IFT52: variants seen among roughly 807,000 people sequenced by gnomAD.
IFT52 encodes the protein intraflagellar transport protein 52 homolog.
IFT52 carries 44 observed loss-of-function variants against 54.4 expected under a neutral mutation model. That is an observed-to-expected ratio of 0.81 (90% CI 0.63 to 1.04). The LOEUF (loss-of-function observed/expected upper bound fraction) is 1.04. Among genes scored for constraint, IFT52 ranks in the 50% least tolerant of loss-of-function variants. The pLI is 0.00. For missense variants in IFT52, 452 were observed against 523.6 expected, an observed-to-expected ratio of 0.86 and a Z score of 1.33; for synonymous variants, 181 against 185.3, an observed-to-expected ratio of 0.98 and a Z score of 0.19.
chr20:43,633,689 CAG>C (rs756798009), intron 10 of IFT52, among the ~76,000 whole-genome samples: 1 of 152,046 alleles, frequency 6.6e-6, no homozygotes, highest in Non-Finnish European at 1.5e-5. Flanking sequence ...GCCTGGGCGA[CAG>C]AGTGAGACTC....
chr20:43,629,108 A>C (rs1984973553), intron 10 of IFT52, among the ~76,000 whole-genome samples: 2 of 152,212 alleles, frequency 1.3e-5, no homozygotes, highest in South Asian at 4.1e-4. Context: ...TCAAGCAAGT[A>C]GTATAAAGAG....
At position 43,613,910 on chromosome 20, in the gene IFT52, G is replaced by C. The variant is rs766004382; in HGVS notation, c.546G>C (p.Ala182=). 26 of 1,613,910 alleles carry C rather than the reference G, an allele frequency of 1.6e-5. 1 individual carries two copies. The highest frequency in any genetic ancestry group is 3.3e-4 in the Middle Eastern group (2 of 6,062). ...TGAGTGTCATGAAACCAGCAGTGGC[G>C]GTTCTGTCTACAGGTTCTGTCTGCT... is the stretch of plus-strand genomic sequence containing the variant. ...ATLSVMKPAV[A]VLSTGSVCFP... The change falls in exon 7 of 14, where the codon GCG becomes GCC. Residue 182 remains alanine, a synonymous_variant. Transcript: ENST00000373030.
chr20:43,632,312 G>A (rs1985228631), intron 10 of IFT52, among the ~76,000 whole-genome samples: 2 of 149,720 alleles, frequency 1.3e-5, no homozygotes, highest in Middle Eastern at 3.5e-3. Context: ...CCAGGCTAGA[G>A]TGCAGTGGTG....
chr20:43,632,501 T>C (rs1192602395), intron 10 of IFT52, among the ~76,000 whole-genome samples: 1 of 152,090 alleles, frequency 6.6e-6, no homozygotes, highest in Non-Finnish European at 1.5e-5. Flanking sequence ...CCTCAGGTGA[T>C]CCACCCACCT....
chr20:43,607,496 C>T (rs577150440), intron 6 of IFT52, among the ~76,000 whole-genome samples: 1,367 of 126,496 alleles, frequency 0.011, 12 homozygotes, highest in Middle Eastern at 0.017. Flanking sequence ...CAGACGGGGT[C>T]GTGGCCGGGC....
At chr20:43,604,748 AT>A (rs1982724300) in intron 5 of IFT52, among the ~76,000 whole-genome samples, 1 of 151,918 alleles carries the variant, frequency 6.6e-6, no homozygotes, top group Non-Finnish European at 1.5e-5. Context: ...TCATCAAATT[AT>A]TTTTCTTCAT....
rs779980671 is a variant in IFT52, at chr20:43,635,895, T to C, written c.924-31T>C. On this transcript the variant is annotated intron_variant, in intron 10 of 13. Transcript: ENST00000373030. ...GACGTGCTGAGCTATAGTGTCTTGA[T>C]CCCTGCTTTTTTGTTTGATTATGAA... 4 of 1,598,478 alleles carry C rather than the reference T, an allele frequency of 2.5e-6. No homozygotes were observed. The Admixed American group carries it at 6.7e-5, about 27-fold the overall frequency.
intron 3 of IFT52, among the ~76,000 whole-genome samples, chr20:43,596,736 C>CTCTTTTTTTTT (rs1293519702): frequency 1.3e-5 from 1 of 75,912 alleles, no homozygotes. Flanking sequence ...AGCCACACTT[C>CTCTTTTTTTTT]TTTTTTTTTT....
rs1985983839 is a variant in IFT52, at chr20:43,642,525, T to A, written c.1167T>A (p.Ile389=). 3 of 1,613,988 alleles carry A rather than the reference T, an allele frequency of 1.9e-6. No homozygotes were observed. The South Asian group carries it at 3.3e-5, about 18-fold the overall frequency. ...TTTATGTCAGGAAGTGTGGTGATAT[T>A]CTTGGAGTAACCAGTAAACTACCAA... The part of the protein sequence containing the change: ...LEFYVRKCGD[I]LGVTSKLPKD... Residue 389 remains isoleucine, a synonymous_variant, in exon 13 of 14, where the codon ATT becomes ATA. Coordinates refer to ENST00000373030, the MANE Select transcript of IFT52 (RefSeq NM_016004.5).
At position 43,599,958 on chromosome 20, in the gene IFT52, C is replaced by T. The variant is rs183220408; in HGVS notation, c.207+3436C>T. ...AATGCAAAGATAATCTAACCCACCA[C>T]CATTAAAAAAGTAAAGCAATATAAC... On this transcript the variant is annotated intron_variant, in intron 3 of 13. Coordinates refer to ENST00000373030, the MANE Select transcript of IFT52 (RefSeq NM_016004.5). 5.3e-5 allele frequency among the ~76,000 whole-genome samples: 8 copies of T among 151,938 alleles called. No individual in the cohort carries two copies. In the East Asian group the frequency reaches 1.2e-3, roughly 22 times the overall value.
In IFT52 at chr20:43,646,991, G is replaced by C. The variant is rs1270358682; in HGVS notation, c.*8G>C. ...TTCCAGAACAATTTCTGAAGACCAT[G>C]CCTCTTGAAGCTTTTTCTGCCTCCT... is the stretch of plus-strand genomic sequence containing the variant. On this transcript the variant is annotated 3_prime_UTR_variant, in exon 14 of 14. Transcript: ENST00000373030. 6.2e-7 allele frequency: 1 copy of C among 1,611,552 alleles called. No individual in the cohort carries two copies. Among genetic ancestry groups the C allele is most frequent in the Admixed American group, 1.7e-5 (1 of 59,984 alleles).
At chr20:43,624,105 A>G in intron 10 of IFT52, 60 bp downstream of exon 10, 1 of 1,554,680 alleles carries the variant, frequency 6.4e-7, no homozygotes, top group Non-Finnish European at 8.8e-7. Context: ...TGGTTTGGAA[A>G]CATGAACCTG....
At chr20:43,635,348 T>G (rs1046384851) in intron 10 of IFT52, among the ~76,000 whole-genome samples, 18 of 152,076 alleles carry the variant, frequency 1.2e-4, no homozygotes, top group African/African-American at 4.3e-4. Flanking sequence ...TGGAGTGCAA[T>G]CGCACGATCT....
At chr20:43,606,012 C>T (rs187238969) in intron 6 of IFT52, among the ~76,000 whole-genome samples, 312 of 152,108 alleles carry the variant, frequency 2.1e-3, no homozygotes, top group African/African-American at 7.2e-3. Flanking sequence ...CCTGAGGTCA[C>T]GAGTTTGAAA....
rs543666039 is a variant in IFT52, at chr20:43,595,900, A to C, written c.120-535A>C. Among the ~76,000 whole-genome samples the C allele has an allele frequency of 7.2e-5, 11 of 152,368 alleles. No homozygotes were observed. The South Asian group carries it at 1.7e-3, about 23-fold the overall frequency. ...AGACTCTGTCAAAAACAAAAATTAA[A>C]AAAAAAATGTCTTTCGAAATCAGCA... On this transcript the variant is annotated intron_variant, in intron 2 of 13. Transcript: ENST00000373030.
In IFT52 at chr20:43,594,761, C is replaced by G; in HGVS notation, c.63C>G (p.Thr21=). 8 of 1,613,242 alleles carry G rather than the reference C, an allele frequency of 5.0e-6. No homozygotes were observed. Among genetic ancestry groups the G allele is most frequent in the Non-Finnish European group, 6.8e-6 (8 of 1,179,288 alleles). ...FNAYKKEIFT[T]NNGYKSMQKK... Reference sequence around the variant, plus strand: ...CCTACAAAAAGGAGATATTTACCACCAACAATGGCTACAAATCCATGCAGA... The same window carrying G: ...CCTACAAAAAGGAGATATTTACCACGAACAATGGCTACAAATCCATGCAGA... The change falls in exon 2 of 14, where the codon ACC becomes ACG. Residue 21 remains threonine, a synonymous_variant. Coordinates refer to ENST00000373030, the MANE Select transcript of IFT52 (RefSeq NM_016004.5).
rs1343017774 is a variant in IFT52, at chr20:43,647,193, G to A, written c.*210G>A. 5.3e-6 allele frequency: 3 copies of A among 568,296 alleles called. No individual in the cohort carries two copies. Among genetic ancestry groups the A allele is most frequent in the Middle Eastern group, 3.4e-4 (1 of 2,912 alleles). The allele number at this position is 568,296 out of a possible 1,614,324, so 35.2% of individuals were successfully genotyped here. On this transcript the variant is annotated 3_prime_UTR_variant, in exon 14 of 14. Transcript: ENST00000373030. ...TACATTCCATTTTTAAAAATTAAAT[G>A]TATGGTTGCATCTGTCTTTTTATAC... is the stretch of plus-strand genomic sequence containing the variant.
intron 12 of IFT52, 71 bp from the exon 13 acceptor site, chr20:43,642,408 A>G (rs1343008363): frequency 7.0e-7 from 1 of 1,422,404 alleles, no homozygotes; most frequent in Non-Finnish European, 9.8e-7. Flanking sequence ...CATACCTGAA[A>G]CACACTAAGT....
At chr20:43,601,008 C>T (rs1312359266) in intron 3 of IFT52, among the ~76,000 whole-genome samples, 2 of 151,992 alleles carry the variant, frequency 1.3e-5, no homozygotes, top group East Asian at 3.9e-4. Context: ...GGCTGAGCTT[C>T]TTTTGTTTGT....
Sources: allele counts gnomAD v4.1 joint callset (sites outside exome capture counted in the v4.1 genomes callset), GRCh38; gene constraint gnomAD v4.1.1; transcripts MANE v1.5; gene names NCBI Gene and HGNC (gene_info 2026-07-23, HGNC 2026-07-21).